UBE2E1: variants seen among roughly 807,000 people sequenced by gnomAD.
The protein encoded by UBE2E1 is ubiquitin-conjugating enzyme E2 E1.
In UBE2E1, 6 loss-of-function variants were observed where a neutral mutation model predicts 21.4. The observed-to-expected ratio is 0.28, with a 90% CI of 0.15 to 0.55. The LOEUF is 0.55. Ranked by LOEUF, UBE2E1 falls within the 20% of genes least tolerant of loss-of-function variation. The pLI, the probability that UBE2E1 is intolerant of heterozygous loss-of-function variation, is 0.93. For missense variants in UBE2E1, 142 were observed against 236.5 expected (o/e 0.60, Z 2.62); for synonymous variants, 87 against 82.7 (o/e 1.05, Z -0.28).
intron 3 of UBE2E1, among the ~76,000 whole-genome samples, chr3:23,830,967 A>G (rs1455027482): frequency 6.6e-6 from 1 of 152,212 alleles, no homozygotes; most frequent in Admixed American, 6.5e-5. Context: ...TATGAAATCA[A>G]CATTAAGGTT....
At chr3:23,886,094 A>T (rs1014624581) in intron 3 of UBE2E1, among the ~76,000 whole-genome samples, 1 of 152,072 alleles carries the variant, frequency 6.6e-6, no homozygotes, top group African/African-American at 2.4e-5. Flanking sequence ...TCGGCTACTC[A>T]GGTGGCTAAG....
At chr3:23,811,776 C>T (rs1699398183) in intron 3 of UBE2E1, among the ~76,000 whole-genome samples, 1 of 152,126 alleles carries the variant, frequency 6.6e-6, no homozygotes, top group Non-Finnish European at 1.5e-5. Context: ...TTAAAGGTGT[C>T]TCCTTGCCTA....
At chr3:23,888,690 A>G in intron 4 of UBE2E1, among the ~76,000 whole-genome samples, 1 of 152,286 alleles carries the variant, frequency 6.6e-6, no homozygotes, top group African/African-American at 2.4e-5. Flanking sequence ...TTGTTTGCTA[A>G]GTATGTTGTT....
At chr3:23,852,458 T>C (rs1336379276) in intron 3 of UBE2E1, among the ~76,000 whole-genome samples, 1 of 152,234 alleles carries the variant, frequency 6.6e-6, no homozygotes, top group Non-Finnish European at 1.5e-5. Flanking sequence ...TGTATTAATT[T>C]TGTATCCTAC....
chr3:23,809,980 G>C (rs914763610), intron 2 of UBE2E1, among the ~76,000 whole-genome samples: 4 of 152,170 alleles, frequency 2.6e-5, no homozygotes, highest in African/African-American at 9.7e-5. Flanking sequence ...TGACAGATAC[G>C]TAGGGACAGG....
intron 3 of UBE2E1, among the ~76,000 whole-genome samples, chr3:23,883,020 G>A (rs556144829): frequency 2.6e-5 from 4 of 152,200 alleles, no homozygotes; most frequent in Non-Finnish European, 5.9e-5. Context: ...CTCAAGCGCG[G>A]CCAGAGTGGG....
chr3:23,878,998 T>C, intron 3 of UBE2E1: 1 of 480,842 alleles, frequency 2.1e-6, no homozygotes, highest in Non-Finnish European at 4.2e-6. Flanking sequence ...CCATCTCCTA[T>C]GATTGCACAG....
intron 3 of UBE2E1, among the ~76,000 whole-genome samples, chr3:23,839,085 T>C (rs1412509670): frequency 6.6e-6 from 1 of 152,170 alleles, no homozygotes; most frequent in Admixed American, 6.5e-5. Context: ...AGTGCTGTTA[T>C]TGTCATATAT....
chr3:23,857,557 C>T (rs188308329), intron 3 of UBE2E1, among the ~76,000 whole-genome samples: 20 of 152,234 alleles, frequency 1.3e-4, no homozygotes, highest in Non-Finnish European at 2.4e-4. Context: ...GTATGCCTGT[C>T]GAGTCACGTT....
At chr3:23,865,166 T>G (rs1276234869) in intron 3 of UBE2E1, among the ~76,000 whole-genome samples, 1 of 152,226 alleles carries the variant, frequency 6.6e-6, no homozygotes, top group African/African-American at 2.4e-5. Context: ...AGCTGGCCTG[T>G]GTCCTCATCT....
At chr3:23,865,197 T>G (rs1171734767) in intron 3 of UBE2E1, among the ~76,000 whole-genome samples, 1 of 152,136 alleles carries the variant, frequency 6.6e-6, no homozygotes, top group Non-Finnish European at 1.5e-5. Flanking sequence ...CAAGGTCACA[T>G]AGTTGTTGAC....
At chr3:23,866,249 T>G (rs1329905856) in intron 3 of UBE2E1, 1 of 152,512 alleles carries the variant, frequency 6.6e-6, no homozygotes, top group African/African-American at 2.4e-5. Context: ...TTCTGAGTTG[T>G]GGATCCTGCA....
At chr3:23,841,275 T>C (rs1397914431) in intron 3 of UBE2E1, among the ~76,000 whole-genome samples, 1 of 152,224 alleles carries the variant, frequency 6.6e-6, no homozygotes. Context: ...TTAGATTTTA[T>C]TTAAAATTCA....
Position 23,876,947 on chromosome 3 carries a change from G to A in UBE2E1, c.204-10620G>A, listed in dbSNP as rs1700927702. Among the ~76,000 whole-genome samples the A allele has an allele frequency of 6.6e-6, 1 of 152,222 alleles. No homozygotes were observed. The highest frequency in any genetic ancestry group is 2.4e-5 in the African/African-American group (1 of 41,454). ...TAATCCTAGCAACTCAGGAGGCTGA[G>A]ATGGAAGGATCACTTGAGCCAGCTG... is the stretch of plus-strand genomic sequence containing the variant. On this transcript the variant is annotated intron_variant, in intron 3 of 5. Transcript: ENST00000306627. This position sits in a 1 kb window ranked among gnomAD's most constrained non-coding sequence, Gnocchi z 4.3.
intron 3 of UBE2E1, among the ~76,000 whole-genome samples, chr3:23,811,717 A>G (rs938595511): frequency 6.6e-6 from 1 of 152,170 alleles, no homozygotes; most frequent in African/African-American, 2.4e-5. Context: ...GAAGTAATGG[A>G]TTTATTTGGA....
chr3:23,818,759 C>T (rs988882714), intron 3 of UBE2E1, among the ~76,000 whole-genome samples: 4 of 152,042 alleles, frequency 2.6e-5, no homozygotes, highest in African/African-American at 9.7e-5. Context: ...TTAAAGTGCA[C>T]AAGATTGCTG....
chr3:23,815,817 A>G (rs1361264779), intron 3 of UBE2E1, among the ~76,000 whole-genome samples: 2 of 152,236 alleles, frequency 1.3e-5, no homozygotes, highest in Non-Finnish European at 2.9e-5. Context: ...CATTTATCTG[A>G]TGTTACTAAA....
chr3:23,838,987 A>G (rs1234071700), intron 3 of UBE2E1, among the ~76,000 whole-genome samples: 1 of 151,348 alleles, frequency 6.6e-6, no homozygotes. Context: ...TTTATAGAAT[A>G]CATCTTTAGC....
intron 3 of UBE2E1, among the ~76,000 whole-genome samples, chr3:23,867,706 G>C (rs1448157430): frequency 1.3e-5 from 2 of 152,154 alleles, no homozygotes; most frequent in African/African-American, 4.8e-5. Flanking sequence ...TAGTCTCTTA[G>C]AGATTCAGTA....
Sources: allele counts gnomAD v4.1 joint callset (sites outside exome capture counted in the v4.1 genomes callset), GRCh38; gene constraint gnomAD v4.1.1; non-coding constraint Gnocchi (gnomAD v3.1); transcripts MANE v1.5; gene names NCBI Gene and HGNC (gene_info 2026-07-23, HGNC 2026-07-21).